GATB: variants seen among roughly 807,000 people sequenced by gnomAD.
GATB encodes the protein glutamyl-tRNA(Gln) amidotransferase subunit B, mitochondrial.
In GATB, 39 loss-of-function variants were observed where a neutral mutation model predicts 62.3. That is an observed-to-expected ratio of 0.63 (90% CI 0.48 to 0.82). The LOEUF (loss-of-function observed/expected upper bound fraction) is 0.82, where lower values mean the gene tolerates loss of function less well. Ranked by LOEUF, GATB falls within the 40% of genes least tolerant of loss-of-function variation. The pLI, the probability that GATB is intolerant of heterozygous loss-of-function variation, is 0.00. For synonymous variants in GATB, 276 were observed against 258.9 expected, an observed-to-expected ratio of 1.07 and a Z score of -0.63; for missense variants, 670 against 684.0, an observed-to-expected ratio of 0.98 and a Z score of 0.23.
intron 8 of GATB, 40 bp downstream of exon 8, chr4:151,703,811 C>A (rs1738653448): frequency 2.9e-6 from 4 of 1,366,734 alleles, no homozygotes; most frequent in Non-Finnish European, 4.2e-6. Context: ...ACGCCCCAGC[C>A]CCCGATATAT....
chr4:151,672,920 A>G (rs1737906318), intron 11 of GATB, 24 bp from the exon 12 acceptor site: 1 of 1,612,794 alleles, frequency 6.2e-7, no homozygotes, highest in Non-Finnish European at 8.5e-7. Context: ...AAGGGAGAGG[A>G]AAGAGAAATG....
In GATB at chr4:151,735,738, A is replaced by G. The variant is rs574309890; in HGVS notation, c.328-16200T>C. On this transcript the variant is annotated intron_variant, in intron 2 of 12. Transcript: ENST00000263985. ...CAAGTGGATAAATAAACTGTGGTGT[A>G]TATATATATATATATATATGATGGA... 3.8e-4 allele frequency among the ~76,000 whole-genome samples: 35 copies of G among 92,564 alleles called. 5 individuals carry two copies. In the East Asian group the frequency reaches 4.8e-3, roughly 13 times the overall value. The allele number at this position is 92,564 out of a possible 152,430, so 60.7% of individuals were successfully genotyped here. A position where few individuals can be genotyped will look rare whatever the true frequency, so the allele number is the denominator to read the frequency against.
At position 151,670,840 on chromosome 4, in the gene GATB, T is replaced by C. The variant is rs1737840251; in HGVS notation, c.*334A>G. ...GGAACTGCAGAATGAAAAGTTTTCTTAGAATGGGTAACAGTATCTCCAACA... is the reference window on the plus strand; with the variant it reads ...GGAACTGCAGAATGAAAAGTTTTCTCAGAATGGGTAACAGTATCTCCAACA... On this transcript the variant is annotated 3_prime_UTR_variant, in exon 13 of 13. Transcript: ENST00000263985. 1 of 205,580 alleles carries C rather than the reference T, an allele frequency of 4.9e-6. No individual in the cohort carries two copies. Among genetic ancestry groups the C allele is most frequent in the African/African-American group, 2.3e-5 (1 of 43,936 alleles). The allele number at this position is 205,580 out of a possible 1,614,324, so 12.7% of individuals were successfully genotyped here.
intron 6 of GATB, among the ~76,000 whole-genome samples, chr4:151,707,032 C>T (rs1738728714): frequency 6.6e-6 from 1 of 152,244 alleles, no homozygotes; most frequent in Non-Finnish European, 1.5e-5. Flanking sequence ...GAAATACCCA[C>T]AGTGTGTGCT....
intron 2 of GATB, among the ~76,000 whole-genome samples, chr4:151,748,093 G>A (rs1451833403): frequency 6.6e-6 from 1 of 152,150 alleles, no homozygotes; most frequent in Non-Finnish European, 1.5e-5. Flanking sequence ...ACTGCCCAAG[G>A]TAATTTATAG....
intron 2 of GATB, among the ~76,000 whole-genome samples, chr4:151,738,832 C>T (rs1027017807): frequency 6.6e-6 from 1 of 152,194 alleles, no homozygotes; most frequent in Admixed American, 6.5e-5. Context: ...AGTATTGCAG[C>T]AGCGAGTGTA....
At chr4:151,734,920 C>A (rs999368912) in intron 2 of GATB, among the ~76,000 whole-genome samples, 1 of 152,154 alleles carries the variant, frequency 6.6e-6, no homozygotes, top group Non-Finnish European at 1.5e-5. Context: ...TCACCTTATA[C>A]AAAAATCAAC....
chr4:151,671,315 A>ATATT lies in GATB; in HGVS notation c.1546-14_1546-13insAATA. ...TCACATCCATTACCTAGAAGGACAG[A>ATATT]AATTACTTACTTAAGAGGAGAAAAT... On this transcript the variant is annotated splice_polypyrimidine_tract_variant and intron_variant, in intron 12 of 12. Transcript: ENST00000263985. 1 of 1,478,788 alleles carries ATATT rather than the reference A, an allele frequency of 6.8e-7. No individual in the cohort carries two copies. The highest frequency in any genetic ancestry group is 9.1e-7 in the Non-Finnish European group (1 of 1,102,126). 91.6% of individuals were successfully genotyped at this position (1,478,788 alleles called of 1,614,324 possible). A position where few individuals can be genotyped will look rare whatever the true frequency, so the allele number is the denominator to read the frequency against.
intron 7 of GATB, among the ~76,000 whole-genome samples, chr4:151,704,379 T>C (rs1441042929): frequency 1.3e-5 from 2 of 152,028 alleles, no homozygotes; most frequent in East Asian, 3.8e-4. Context: ...ACGAAGCCCT[T>C]GGGCACAGTC....
At chr4:151,673,861 G>T (rs1228669851) in intron 11 of GATB, 1 of 152,180 alleles carries the variant, frequency 6.6e-6, no homozygotes, top group Non-Finnish European at 1.5e-5. Flanking sequence ...TGTTACCTTG[G>T]TGGCCGAGAA....
At chr4:151,732,213 G>A (rs1204603292) in intron 2 of GATB, among the ~76,000 whole-genome samples, 1 of 152,180 alleles carries the variant, frequency 6.6e-6, no homozygotes, top group Admixed American at 6.5e-5. Context: ...CACCCCATCA[G>A]GGAGGTGTAC....
chr4:151,733,340 C>T (rs1739305569), intron 2 of GATB, among the ~76,000 whole-genome samples: 3 of 152,098 alleles, frequency 2.0e-5, no homozygotes, highest in African/African-American at 7.2e-5. Context: ...ACTATGAACA[C>T]CTTTAGGCAC....
At chr4:151,717,653 C>T (rs188399881) in intron 3 of GATB, among the ~76,000 whole-genome samples, 55 of 152,282 alleles carry the variant, frequency 3.6e-4, no homozygotes, top group African/African-American at 1.3e-3. Flanking sequence ...TGACACTCCC[C>T]CTCCATTAAT....
At chr4:151,718,610 G>A (rs1738961956) in intron 3 of GATB, among the ~76,000 whole-genome samples, 2 of 152,132 alleles carry the variant, frequency 1.3e-5, no homozygotes, top group African/African-American at 4.8e-5. Flanking sequence ...GGTCTTACTT[G>A]TATTTTTTAT....
intron 5 of GATB, among the ~76,000 whole-genome samples, chr4:151,709,139 A>G (rs1229435194): frequency 6.6e-6 from 1 of 152,250 alleles, no homozygotes; most frequent in African/African-American, 2.4e-5. Flanking sequence ...CAAGATTCCA[A>G]AGCAAAAGCA....
intron 2 of GATB, 120 bp from the exon 3 acceptor site, chr4:151,719,658 C>T (rs552025048): frequency 2.5e-5 from 15 of 589,452 alleles, no homozygotes; most frequent in Non-Finnish European, 4.0e-5. Flanking sequence ...ATCTCTGGTT[C>T]TCTGGGTGGG....
At chr4:151,720,611 G>A (rs1467082356) in intron 2 of GATB, 2 of 152,140 alleles carry the variant, frequency 1.3e-5, no homozygotes, top group South Asian at 4.1e-4. Context: ...TTCTAGTTGA[G>A]CATTTCCACA....
chr4:151,735,433 A>G (rs1001220359), intron 2 of GATB, among the ~76,000 whole-genome samples: 2 of 152,076 alleles, frequency 1.3e-5, no homozygotes, highest in African/African-American at 4.8e-5. Flanking sequence ...TCAAAAAATC[A>G]AAAAACAGTA....
intron 2 of GATB, among the ~76,000 whole-genome samples, chr4:151,744,646 G>A (rs563762782): frequency 6.6e-6 from 1 of 152,152 alleles, no homozygotes; most frequent in Admixed American, 6.5e-5. Context: ...TTTCAGGTGG[G>A]GAATATTGCA....
Sources: gnomAD v4.1 joint callset for allele counts (sites outside exome capture counted in the v4.1 genomes callset) on GRCh38, gnomAD v4.1.1 for gene constraint, MANE v1.5 for transcripts, NCBI Gene and HGNC (gene_info 2026-07-23, HGNC 2026-07-21) for gene names.